SESN2: variants seen among roughly 807,000 people sequenced by gnomAD.
The protein encoded by SESN2 is sestrin-2.
SESN2 carries 42 observed loss-of-function variants against 56.0 expected under a neutral mutation model. The ratio of observed to expected loss-of-function variants is 0.75; its 90% confidence interval spans 0.59 to 0.97. SESN2 has a LOEUF of 0.97. Ranked by LOEUF, SESN2 falls within the 50% of genes least tolerant of loss-of-function variation. The pLI is 0.00. For synonymous variants in SESN2, 264 were observed against 267.1 expected, an observed-to-expected ratio of 0.99 and a Z score of 0.11; for missense variants, 507 against 649.4, an observed-to-expected ratio of 0.78 and a Z score of 2.38.
At chr1:28,279,295 G>A (rs1648155652) in intron 9 of SESN2, 54 bp downstream of exon 9, 1 of 1,601,574 alleles carries the variant, frequency 6.2e-7, no homozygotes, top group Non-Finnish European at 8.5e-7. Context: ...AGCCAGTGGA[G>A]AGGGCAAGGG....
intron 2 of SESN2, among the ~76,000 whole-genome samples, chr1:28,270,690 A>G (rs1389540355): frequency 6.6e-6 from 1 of 151,962 alleles, no homozygotes; most frequent in South Asian, 2.1e-4. Context: ...TCCTGCCTCA[A>G]GCCTCCCGAG....
chr1:28,271,677 C>CT lies in SESN2; in HGVS notation c.162dup (p.Arg55SerfsTer5). 1 of 1,614,046 alleles carries CT rather than the reference C, an allele frequency of 6.2e-7. No homozygotes were observed. Among genetic ancestry groups the CT allele is most frequent in the Non-Finnish European group, 8.5e-7 (1 of 1,179,960 alleles). The stretch of plus-strand genomic sequence containing the variant: ...TCTCCTCCCCTTTGGTTGGCAGGTC[C>CT]TTCGGGAGGGGGCTGAGAGCCTCGA... On this transcript the variant is annotated frameshift_variant, in exon 3 of 10. Transcript: ENST00000253063. LOFTEE classifies it high-confidence loss of function.
chr1:28,275,550 CG>C (rs1045791787), intron 8 of SESN2, among the ~76,000 whole-genome samples: 16 of 149,144 alleles, frequency 1.1e-4, no homozygotes, highest in African/African-American at 3.7e-4. Flanking sequence ...GTTAGGAGTT[CG>C]AGACCAGCCT....
At position 28,259,876 on chromosome 1, in the gene SESN2, C is replaced by G. The variant is rs769060746; in HGVS notation, c.29C>G (p.Ala10Gly). 1 of 1,419,736 alleles carries G rather than the reference C, an allele frequency of 7.0e-7. No homozygotes were observed. Among genetic ancestry groups the G allele is most frequent in the Non-Finnish European group, 9.2e-7 (1 of 1,088,770 alleles). The allele number at this position is 1,419,736 out of a possible 1,614,324, so 87.9% of individuals were successfully genotyped here. The change falls in exon 1 of 10, where the codon GCA (alanine) becomes GGA (glycine). Residue 10 changes from alanine to glycine, a missense_variant. By Grantham distance (60) the Ala-to-Gly change is moderately conservative (BLOSUM62 0). Coordinates refer to ENST00000253063, the MANE Select transcript of SESN2 (RefSeq NM_031459.5). Reference sequence around the variant, plus strand: ...ATCGTGGCGGACTCCGAGTGCCGCGCAGAGCTCAAGGACTACCTGCGGTTC... The same window carrying G: ...ATCGTGGCGGACTCCGAGTGCCGCGGAGAGCTCAAGGACTACCTGCGGTTC... Reference protein sequence around the residue: MIVADSECRAELKDYLRFAP... With the variant: MIVADSECRGELKDYLRFAP...
chr1:28,272,761 C>T lies in SESN2; in HGVS notation c.718C>T (p.Pro240Ser), dbSNP rs1387977178. ...TACACCCCCTAGTGAACAGAGCAGCCCCCCAAGCAGGGACCCGTTGAACAA... is the reference window on the plus strand; with the variant it reads ...TACACCCCCTAGTGAACAGAGCAGCTCCCCAAGCAGGGACCCGTTGAACAA... ...APTPPSEQSS[P>S]PSRDPLNNSG... The change falls in exon 5 of 10, where the codon CCC becomes TCC. Residue 240 changes from proline to serine, a missense_variant. Transcript: ENST00000253063. 1 of 1,606,766 alleles carries T rather than the reference C, an allele frequency of 6.2e-7. No homozygotes were observed. Among genetic ancestry groups the T allele is most frequent in the Non-Finnish European group, 8.5e-7 (1 of 1,174,750 alleles).
rs746046933 is a variant in SESN2, at chr1:28,279,065, A to G, written c.1212-32A>G. The G allele has an allele frequency of 2.5e-6, 4 of 1,612,416 alleles. No individual in the cohort carries two copies. In the South Asian group the frequency reaches 4.4e-5, roughly 18 times the overall value. ...AGGGAGCTGCCTTTGGGAAGAAAGC[A>G]TGAGTAATGCTGCTGGGACCTTTCC... On this transcript the variant is annotated intron_variant, in intron 8 of 9. Transcript: ENST00000253063.
At position 28,280,698 on chromosome 1, in the gene SESN2, C is replaced by G; in HGVS notation, c.1357-18C>G. 6.2e-7 allele frequency: 1 copy of G among 1,606,800 alleles called. No homozygotes were observed. The highest frequency in any genetic ancestry group is 8.5e-7 in the Non-Finnish European group (1 of 1,174,956). On this transcript the variant is annotated intron_variant, in intron 9 of 9. Transcript: ENST00000253063. ...AGGAGTGACATCAGTTGCCAACATG[C>G]CTTCCTCTGTGCCCCAGGTCCACGT...
chr1:28,278,315 T>C (rs1250023081), intron 8 of SESN2, among the ~76,000 whole-genome samples: 4 of 152,200 alleles, frequency 2.6e-5, no homozygotes, highest in Non-Finnish European at 5.9e-5. Flanking sequence ...ACGCCTGTAA[T>C]CCCAGCACTT....
At chr1:28,278,969 C>A in intron 8 of SESN2, 128 bp from the exon 9 acceptor site, 1 of 870,248 alleles carries the variant, frequency 1.1e-6, no homozygotes. Context: ...AGGAACTAGG[C>A]TTCTTGTTGC....
chr1:28,272,519 G>A (rs1303335502), intron 4 of SESN2, 53 bp downstream of exon 4: 4 of 1,608,906 alleles, frequency 2.5e-6, no homozygotes, highest in Admixed American at 3.3e-5. Context: ...CCTGGCTGGT[G>A]CCTGGTGGGT....
At chr1:28,269,662 C>T (rs1647687478) in intron 2 of SESN2, among the ~76,000 whole-genome samples, 1 of 152,090 alleles carries the variant, frequency 6.6e-6, no homozygotes. Context: ...CTCTGATCTC[C>T]TGTATCCTCC....
At chr1:28,262,436 A>G (rs1345933417) in intron 1 of SESN2, among the ~76,000 whole-genome samples, 1 of 151,932 alleles carries the variant, frequency 6.6e-6, no homozygotes, top group Non-Finnish European at 1.5e-5. Context: ...TGAGCCCAGG[A>G]GTTCAAAACC....
chr1:28,264,007 T>A (rs1335720021), intron 1 of SESN2, among the ~76,000 whole-genome samples: 1 of 150,530 alleles, frequency 6.6e-6, no homozygotes, highest in Non-Finnish European at 1.5e-5. Context: ...GGAAGATCGC[T>A]TGAGCCCAGG....
rs1016063588 is a variant in SESN2 at position 28,259,560 on chromosome 1, G to A, written c.-288G>A. 15 of 341,726 alleles carry A rather than the reference G, an allele frequency of 4.4e-5. No homozygotes were observed. The highest frequency in any genetic ancestry group is 2.7e-4 in the African/African-American group (13 of 47,356). 21.2% of individuals were successfully genotyped at this position (341,726 alleles called of 1,614,324 possible). On this transcript the variant is annotated 5_prime_UTR_variant, in exon 1 of 10. Coordinates refer to ENST00000253063, the MANE Select transcript of SESN2 (RefSeq NM_031459.5). ...GGGGATGCTGAGGAGCGCTGGGTCC[G>A]GGAGCAGCCCTGGCCCCTGCGGACT...
intron 1 of SESN2, among the ~76,000 whole-genome samples, chr1:28,265,702 T>C (rs907046177): frequency 2.0e-5 from 3 of 152,130 alleles, no homozygotes; most frequent in Admixed American, 2.0e-4. Flanking sequence ...GCCTGTTTGT[T>C]TTTTAAGAGA....
In SESN2 at chr1:28,274,025, C is replaced by A. The variant is rs1156253066; in HGVS notation, c.902-15C>A. 2 of 1,559,410 alleles carry A rather than the reference C, an allele frequency of 1.3e-6. No individual in the cohort carries two copies. Among genetic ancestry groups the A allele is most frequent in the Non-Finnish European group, 1.8e-6 (2 of 1,130,188 alleles). ...CCATGCCTCAGCCTCACTGTGACCT[C>A]TTTCTGGTCCTCAGCTGACATCCTG... On this transcript the variant is annotated splice_polypyrimidine_tract_variant and intron_variant, in intron 6 of 9. Transcript: ENST00000253063.
chr1:28,263,112 C>A (rs961237369), intron 1 of SESN2, among the ~76,000 whole-genome samples: 1 of 152,198 alleles, frequency 6.6e-6, no homozygotes, highest in Non-Finnish European at 1.5e-5. Context: ...CCCAGCACTG[C>A]TCTTTGCACC....
In SESN2 at chr1:28,272,610, G is replaced by A; in HGVS notation, c.567G>A (p.Trp189Ter). Reference sequence around the variant, plus strand: ...TGCTGAAGACCGGCGAGCACACTTGGTCCCTGGCCGAGCTCATTCAGGCTC... The same window carrying A: ...TGCTGAAGACCGGCGAGCACACTTGATCCCTGGCCGAGCTCATTCAGGCTC... The part of the protein sequence containing the change: ...QALLKTGEHT[W>*]SLAELIQALV... Residue 189 changes from tryptophan to a stop codon, truncating the protein, a stop_gained, in exon 5 of 10, where the codon TGG becomes TGA. Transcript: ENST00000253063. LOFTEE classifies it high-confidence loss of function. 6.2e-7 allele frequency: 1 copy of A among 1,614,030 alleles called. No homozygotes were observed. The highest frequency in any genetic ancestry group is 8.5e-7 in the Non-Finnish European group (1 of 1,179,996).
chr1:28,261,624 G>C (rs1647377690), intron 1 of SESN2, among the ~76,000 whole-genome samples: 1 of 152,196 alleles, frequency 6.6e-6, no homozygotes, highest in Non-Finnish European at 1.5e-5. Flanking sequence ...ACAAGGGGGT[G>C]CCTGAGCCTG....
Sources: allele counts gnomAD v4.1 joint callset (sites outside exome capture counted in the v4.1 genomes callset), GRCh38; gene constraint gnomAD v4.1.1; transcripts MANE v1.5; gene names NCBI Gene and HGNC (gene_info 2026-07-23, HGNC 2026-07-21).